The following BBOF1 variants were observed in gnomAD, a reference collection of about 807,000 sequenced individuals.
BBOF1 encodes the protein basal body-orientation factor 1.
Under a neutral mutation model 68.0 loss-of-function variants are expected in BBOF1, and 62 were observed. The ratio of observed to expected loss-of-function variants is 0.91; its 90% CI spans 0.74 to 1.13. BBOF1 has a LOEUF of 1.13. Among genes scored for constraint, BBOF1 ranks in the 50% most tolerant of loss-of-function variants. BBOF1 has a pLI of 0.00. For missense variants in BBOF1, 534 were observed against 600.1 expected (o/e 0.89, Z 1.15); for synonymous variants, 208 against 198.8 (o/e 1.05, Z -0.39).
intron 8 of BBOF1, among the ~76,000 whole-genome samples, chr14:74,051,215 G>C (rs62005109): frequency 0.23 from 35,034 of 151,192 alleles, 4,836 homozygotes; most frequent in South Asian, 0.46. Context: ...TTGCACTCCA[G>C]CCTGGGTGAC....
At chr14:74,041,040 G>A (rs529349670) in intron 5 of BBOF1, among the ~76,000 whole-genome samples, 2 of 152,176 alleles carry the variant, frequency 1.3e-5, no homozygotes, top group African/African-American at 2.4e-5. Context: ...TGCTTAGGCT[G>A]GGCACGGTGG....
chr14:74,082,408 T>G (rs901240201), intron 12 of BBOF1, among the ~76,000 whole-genome samples: 9 of 141,936 alleles, frequency 6.3e-5, no homozygotes, highest in East Asian at 2.1e-4. Flanking sequence ...TTTTTTTTTT[T>G]TTTTTTTTTT....
chr14:74,071,694 C>T, intron 9 of BBOF1: 1 of 1,489,722 alleles, frequency 6.7e-7, no homozygotes, highest in Non-Finnish European at 9.0e-7. Context: ...ATGTATATAC[C>T]CACTGGAAGA....
chr14:74,028,844 G>A (rs2059499063), intron 2 of BBOF1, among the ~76,000 whole-genome samples: 1 of 152,012 alleles, frequency 6.6e-6, no homozygotes, highest in African/African-American at 2.4e-5. Flanking sequence ...GAGTAGCTGG[G>A]ATTACAGGCA....
intron 2 of BBOF1, among the ~76,000 whole-genome samples, 180 bp from the exon 3 acceptor site, chr14:74,029,004 T>G (rs1312773424): frequency 6.6e-6 from 1 of 152,086 alleles, no homozygotes; most frequent in Non-Finnish European, 1.5e-5. Flanking sequence ...TAGCCAGGTT[T>G]TAGAAACTGG....
Position 74,019,409 on chromosome 14 carries a change from T to G in BBOF1, c.-70T>G. ...TTGCCAGCTCGGCGTCCCGGTTCCC[T>G]TGGAGACAGAGCTGGCCAGGGCGGC... On this transcript the variant is annotated 5_prime_UTR_variant, in exon 1 of 12. Coordinates refer to ENST00000394009, the MANE Select transcript of BBOF1 (RefSeq NM_025057.3). 5 of 1,546,758 alleles carry G rather than the reference T, an allele frequency of 3.2e-6. No homozygotes were observed. In the South Asian group the frequency reaches 3.6e-5, roughly 11 times the overall value.
intron 9 of BBOF1, among the ~76,000 whole-genome samples, chr14:74,076,570 C>G (rs746438810): frequency 2.0e-5 from 3 of 151,494 alleles, no homozygotes; most frequent in Non-Finnish European, 4.4e-5. Context: ...GAATTTTGCT[C>G]TCATTGACCA....
At chr14:74,037,015 C>G (rs1167107287) in intron 4 of BBOF1, among the ~76,000 whole-genome samples, 9 of 143,732 alleles carry the variant, frequency 6.3e-5, no homozygotes, top group African/African-American at 2.3e-4. Context: ...CTCTGTTGCC[C>G]AGGCTGGAGT....
chr14:74,028,644 G>GGC (rs1408273981), intron 2 of BBOF1, among the ~76,000 whole-genome samples: 1 of 151,914 alleles, frequency 6.6e-6, no homozygotes, highest in Non-Finnish European at 1.5e-5. Flanking sequence ...CTTAGGCCAA[G>GGC]GCAGGGGGAT....
chr14:74,081,401 G>T (rs1160557774), intron 12 of BBOF1: 1 of 152,122 alleles, frequency 6.6e-6, no homozygotes, highest in African/African-American at 2.4e-5. Flanking sequence ...GAGCATTCTA[G>T]GCCACTTAAA....
At chr14:74,066,146 C>A (rs2060460489), downstream of BBOF1, 1 of 160,562 alleles carries the variant, frequency 6.2e-6, no homozygotes, top group African/African-American at 2.4e-5. Context: ...GATTGAGACA[C>A]TGCAGTAGCC....
intron 5 of BBOF1, among the ~76,000 whole-genome samples, 162 bp from the exon 6 acceptor site, chr14:74,045,898 G>C (rs973475937): frequency 6.6e-6 from 1 of 152,194 alleles, no homozygotes; most frequent in African/African-American, 2.4e-5. Flanking sequence ...AGGTTCCTGT[G>C]TTCACACTGT....
chr14:74,049,660 T>C (rs746952261), intron 7 of BBOF1, 42 bp from the exon 8 acceptor site: 23 of 1,490,974 alleles, frequency 1.5e-5, no homozygotes, highest in Non-Finnish European at 2.0e-5. Flanking sequence ...AGATTCCATC[T>C]CAAAAGAAAA....
chr14:74,056,601 G>A (rs746553433), intron 9 of BBOF1, among the ~76,000 whole-genome samples: 1 of 152,086 alleles, frequency 6.6e-6, no homozygotes, highest in Non-Finnish European at 1.5e-5. Context: ...TTCCCAAAGT[G>A]CTGGGATTAC....
intron 2 of BBOF1, among the ~76,000 whole-genome samples, chr14:74,028,064 T>C (rs536522736): frequency 6.6e-6 from 1 of 152,260 alleles, no homozygotes; most frequent in Admixed American, 6.5e-5. Context: ...ATGCCCTTTT[T>C]CTTCAAAAAT....
intron 9 of BBOF1, among the ~76,000 whole-genome samples, chr14:74,073,954 T>A (rs1206721786): frequency 6.6e-6 from 1 of 150,668 alleles, no homozygotes; most frequent in African/African-American, 2.4e-5. Context: ...AATGTTTCTA[T>A]GTATTTTTTT....
intron 9 of BBOF1, among the ~76,000 whole-genome samples, chr14:74,056,603 T>A (rs768247250): frequency 6.6e-6 from 1 of 152,138 alleles, no homozygotes; most frequent in Non-Finnish European, 1.5e-5. Context: ...CCCAAAGTGC[T>A]GGGATTACAG....
intron 5 of BBOF1, 42 bp from the exon 6 acceptor site, chr14:74,046,018 G>T (rs1286410298): frequency 2.6e-6 from 4 of 1,534,880 alleles, no homozygotes; most frequent in Non-Finnish European, 3.5e-6. Flanking sequence ...AAAATTTGTT[G>T]TTAGGGGCAT....
In BBOF1 at chr14:74,020,330, A is replaced by G. The variant is rs1370031557; in HGVS notation, c.56+796A>G. On this transcript the variant is annotated intron_variant, in intron 1 of 11. Transcript: ENST00000394009. ...TCACATTCCTAGAACTCACTAACAT[A>G]TGTTTTCAGATTTTGACCATGCTTC... 6.6e-5 allele frequency among the ~76,000 whole-genome samples: 10 copies of G among 152,162 alleles called. No homozygotes were observed. In the South Asian group the frequency reaches 1.7e-3, roughly 25 times the overall value.
Sources: allele counts gnomAD v4.1 joint callset (sites outside exome capture counted in the v4.1 genomes callset), GRCh38; gene constraint gnomAD v4.1.1; transcripts MANE v1.5; gene names NCBI Gene and HGNC (gene_info 2026-07-23, HGNC 2026-07-21).